MAP2K4: variants seen among roughly 807,000 people sequenced by gnomAD.
MAP2K4 encodes the protein mitogen-activated protein kinase kinase 4.
MAP2K4 carries 4 observed loss-of-function variants against 48.5 expected under a neutral mutation model. That is an observed-to-expected ratio of 0.08 (90% confidence interval 0.04 to 0.19). MAP2K4 has a LOEUF of 0.19. MAP2K4 is among the 10% of genes least tolerant of loss of function. The pLI is 1.00. For synonymous variants in MAP2K4, 166 were observed against 173.1 expected, an observed-to-expected ratio of 0.96 and a Z score of 0.32; for missense variants, 258 against 493.3, an observed-to-expected ratio of 0.52 and a Z score of 4.52.
At chr17:12,044,068 G>A (rs1161035203) in intron 1 of MAP2K4, among the ~76,000 whole-genome samples, 1 of 152,080 alleles carries the variant, frequency 6.6e-6, no homozygotes, top group East Asian at 1.9e-4. Flanking sequence ...CCACATTATC[G>A]GTAACAAAAG....
chr17:12,048,568 A>G (rs1408209931), intron 1 of MAP2K4, among the ~76,000 whole-genome samples: 1 of 152,156 alleles, frequency 6.6e-6, no homozygotes, highest in Non-Finnish European at 1.5e-5. Context: ...GCAATATAAT[A>G]TTAGCTGATA....
At chr17:12,108,192 G>T (rs1248655628) in intron 5 of MAP2K4, among the ~76,000 whole-genome samples, 2 of 152,010 alleles carry the variant, frequency 1.3e-5, no homozygotes, top group Non-Finnish European at 2.9e-5. Flanking sequence ...ATTTTTTCCT[G>T]TTGCTTTAAC....
intron 2 of MAP2K4, among the ~76,000 whole-genome samples, chr17:12,063,148 C>G (rs1012865049): frequency 1.3e-5 from 2 of 152,068 alleles, no homozygotes; most frequent in Non-Finnish European, 2.9e-5. Context: ...TATGAAAATG[C>G]AAAGGACCTA....
intron 1 of MAP2K4, among the ~76,000 whole-genome samples, chr17:12,045,262 A>G (rs1969928354): frequency 6.6e-6 from 1 of 152,186 alleles, no homozygotes; most frequent in Non-Finnish European, 1.5e-5. Context: ...GTTATAAAAT[A>G]TGGTTAATGT....
At chr17:12,100,057 C>T (rs1265067364) in intron 4 of MAP2K4, among the ~76,000 whole-genome samples, 1 of 152,078 alleles carries the variant, frequency 6.6e-6, no homozygotes, top group Non-Finnish European at 1.5e-5. Context: ...GTTTTAAATG[C>T]AGCTTATGGA....
chr17:12,088,575 A>T (rs960468532), intron 3 of MAP2K4, among the ~76,000 whole-genome samples: 9 of 138,072 alleles, frequency 6.5e-5, no homozygotes, highest in Admixed American at 3.1e-4. Flanking sequence ...TTAAATATAT[A>T]ATATATAATA....
chr17:12,115,481 C>A, intron 7 of MAP2K4: 1 of 577,228 alleles, frequency 1.7e-6, no homozygotes, highest in South Asian at 1.5e-5. Flanking sequence ...ATTTGTGTGT[C>A]TAAATATAGA....
At position 12,051,066 on chromosome 17, in the gene MAP2K4, C is replaced by T. The variant is rs553778734; in HGVS notation, c.116-3823C>T. Among the ~76,000 whole-genome samples the T allele has an allele frequency of 1.1e-4, 16 of 152,254 alleles. No individual in the cohort carries two copies. The South Asian group carries it at 3.3e-3, about 32-fold the overall frequency. On this transcript the variant is annotated intron_variant, in intron 1 of 10. Coordinates refer to ENST00000353533, the MANE Select transcript of MAP2K4 (RefSeq NM_003010.4). ...AAGGATGATTCTGACAGATTGTTGC[C>T]CTCAGCCTTGGAGTGGCTGAGTGGG...
intron 4 of MAP2K4, among the ~76,000 whole-genome samples, chr17:12,098,338 C>T (rs1233964951): frequency 6.6e-6 from 1 of 151,852 alleles, no homozygotes; most frequent in African/African-American, 2.4e-5. Context: ...ATTAGCCAGG[C>T]GTGGTGGCAC....
At chr17:12,104,244 A>G (rs976443556) in intron 4 of MAP2K4, among the ~76,000 whole-genome samples, 1 of 152,184 alleles carries the variant, frequency 6.6e-6, no homozygotes, top group African/African-American at 2.4e-5. Flanking sequence ...ACACGAAGGA[A>G]AAGAAAAGGG....
Position 12,141,250 on chromosome 17 carries a change from A to G in MAP2K4, c.1190A>G (p.Tyr397Cys), listed in dbSNP as rs538492504. 2.7e-5 allele frequency: 44 copies of G among 1,610,804 alleles called. No homozygotes were observed. Among genetic ancestry groups the G allele is most frequent in the Non-Finnish European group, 3.6e-5 (42 of 1,177,108 alleles). The change falls in exon 11 of 11, where the codon TAT becomes TGT. Residue 397 changes from tyrosine to cysteine, a missense_variant. By Grantham distance (194) the Tyr-to-Cys change is radical. This residue lies in a region of MAP2K4 where 57 missense variants were observed against 84.3 expected (regional missense o/e 0.68). Transcript: ENST00000353533. ...CCAGCTACTCCCAGCTCTCCCATGTATGTCGATTGATATCGCTGCTACATC... is the reference window on the plus strand; with the variant it reads ...CCAGCTACTCCCAGCTCTCCCATGTGTGTCGATTGATATCGCTGCTACATC... The part of the protein sequence containing the change: ...QMPATPSSPM[Y>C]VD
chr17:12,034,296 G>A (rs1025797307), intron 1 of MAP2K4, among the ~76,000 whole-genome samples: 4 of 152,130 alleles, frequency 2.6e-5, no homozygotes, highest in African/African-American at 9.7e-5. Context: ...TTTGCAGTGC[G>A]GCCTGCTTTG....
At chr17:12,059,809 T>C (rs1325750009) in intron 2 of MAP2K4, among the ~76,000 whole-genome samples, 2 of 152,358 alleles carry the variant, frequency 1.3e-5, no homozygotes, top group South Asian at 2.1e-4. Flanking sequence ...AGTAGAACTT[T>C]ATCTTAAAAC....
rs180737708 is a variant in MAP2K4, at chr17:12,143,042, C to T, written c.*1782C>T. Reference sequence around the variant, plus strand: ...AATTGCAGAATTCAAAAGTGATTATCTCTTTGATCTACTTGCCTCATTTCC... The same window carrying T: ...AATTGCAGAATTCAAAAGTGATTATTTCTTTGATCTACTTGCCTCATTTCC... On this transcript the variant is annotated 3_prime_UTR_variant, in exon 11 of 11. Transcript: ENST00000353533. The T allele has an allele frequency of 4.9e-3, 1,138 of 233,032 alleles. 7 individuals carry two copies. Among genetic ancestry groups the T allele is most frequent in the Non-Finnish European group, 6.5e-3 (765 of 117,884 alleles). The allele number at this position is 233,032 out of a possible 1,614,324, so 14.4% of individuals were successfully genotyped here. A position where few individuals can be genotyped will look rare whatever the true frequency, so the allele number is the denominator to read the frequency against.
rs184066296 is a variant in MAP2K4, at chr17:12,111,493, T to C, written c.685+1067T>C. Reference sequence around the variant, plus strand: ...GTTCTTGTCTTGATTTTTTTTTTTTTCCCTTCTTTGTTAGCTGTGTTCTAT... The same window carrying C: ...GTTCTTGTCTTGATTTTTTTTTTTTCCCCTTCTTTGTTAGCTGTGTTCTAT... On this transcript the variant is annotated intron_variant, in intron 6 of 10. Coordinates refer to ENST00000353533, the MANE Select transcript of MAP2K4 (RefSeq NM_003010.4). 1.5e-3 allele frequency among the ~76,000 whole-genome samples: 233 copies of C among 151,864 alleles called. 2 individuals carry two copies. In the East Asian group the frequency reaches 0.035, roughly 23 times the overall value.
At chr17:12,070,759 G>A (rs1032379185) in intron 2 of MAP2K4, among the ~76,000 whole-genome samples, 2 of 152,184 alleles carry the variant, frequency 1.3e-5, no homozygotes, top group Non-Finnish European at 2.9e-5. Context: ...CTGCATAGTT[G>A]CAGGAGACTA....
intron 7 of MAP2K4, among the ~76,000 whole-genome samples, chr17:12,116,700 C>T (rs1437456158): frequency 6.6e-6 from 1 of 152,174 alleles, no homozygotes; most frequent in East Asian, 1.9e-4. Context: ...TCTTCTACAT[C>T]CACATCTTGC....
intron 3 of MAP2K4, among the ~76,000 whole-genome samples, chr17:12,082,435 G>T (rs1008142240): frequency 2.0e-5 from 3 of 152,132 alleles, no homozygotes; most frequent in Non-Finnish European, 2.9e-5. Flanking sequence ...CAGTTTACAA[G>T]AATTCAGAAT....
At chr17:12,124,256 C>T (rs1323758065) in intron 7 of MAP2K4, 1 of 152,152 alleles carries the variant, frequency 6.6e-6, no homozygotes, top group East Asian at 1.9e-4. Flanking sequence ...GCGAAGGATC[C>T]ATTGTCAACT....
Sources: gnomAD v4.1 joint callset for allele counts (sites outside exome capture counted in the v4.1 genomes callset) on GRCh38, gnomAD v4.1.1 for gene constraint, gnomAD v4.1.1 regional missense constraint, MANE v1.5 for transcripts, NCBI Gene and HGNC (gene_info 2026-07-23, HGNC 2026-07-21) for gene names.